WDR77: variants seen among roughly 807,000 people sequenced by gnomAD.
WDR77 encodes WD repeat domain 77.
WDR77 carries 31 observed loss-of-function variants against 44.0 expected under a neutral mutation model. That is an observed-to-expected ratio of 0.70 (90% CI 0.53 to 0.95). The LOEUF (loss-of-function observed/expected upper bound fraction) is 0.95, where lower values mean the gene tolerates loss of function less well. Ranked by LOEUF, WDR77 falls within the 40% of genes least tolerant of loss-of-function variation. WDR77 has a pLI of 0.00. For missense variants in WDR77, 390 were observed against 423.9 expected (o/e 0.92, Z 0.70); for synonymous variants, 186 against 165.7 (o/e 1.12, Z -0.94).
intron 6 of WDR77, chr1:111,443,666 C>T (rs1652906070): frequency 1.0e-6 from 1 of 985,258 alleles, no homozygotes; most frequent in South Asian, 4.7e-5. Flanking sequence ...AAATCACCCA[C>T]CCAGGAACTG....
chr1:111,444,003 T>A, intron 5 of WDR77, 51 bp downstream of exon 5: 2 of 1,613,626 alleles, frequency 1.2e-6, no homozygotes, highest in Non-Finnish European at 1.7e-6. Flanking sequence ...CTAGAGACTT[T>A]GGCCTATGGA....
rs1326000901 is a variant in WDR77 at position 111,441,101 on chromosome 1, T to C, written c.*129A>G. 1 of 1,034,944 alleles carries C rather than the reference T, an allele frequency of 9.7e-7. No individual in the cohort carries two copies. Among genetic ancestry groups the C allele is most frequent in the African/African-American group, 1.6e-5 (1 of 60,904 alleles). 64.1% of individuals were successfully genotyped at this position (1,034,944 alleles called of 1,614,324 possible). The stretch of plus-strand genomic sequence containing the variant: ...CAGCCTCCCTCAGGCTGAGAGACGA[T>C]GCCTATTAACGGCACAGATCTAGCA... On this transcript the variant is annotated 3_prime_UTR_variant, in exon 10 of 10. Transcript: ENST00000235090.
At position 111,441,991 on chromosome 1, in the gene WDR77, C is replaced by G. The variant is rs1263944560; in HGVS notation, c.869+34G>C. 3.1e-6 allele frequency: 5 copies of G among 1,602,326 alleles called. No individual in the cohort carries two copies. In the South Asian group the frequency reaches 5.5e-5, roughly 18 times the overall value. On this transcript the variant is annotated intron_variant, in intron 9 of 9. Coordinates refer to ENST00000235090, the MANE Select transcript of WDR77 (RefSeq NM_024102.4). Reference sequence around the variant, plus strand: ...GACTCGCCCACCCACTGCTCCCCTTCCCTGATTCCCAAAGGATTCCACTTC... The same window carrying G: ...GACTCGCCCACCCACTGCTCCCCTTGCCTGATTCCCAAAGGATTCCACTTC...
intron 6 of WDR77, 37 bp from the exon 7 acceptor site, chr1:111,443,431 G>A: frequency 1.3e-6 from 2 of 1,531,042 alleles, no homozygotes; most frequent in Non-Finnish European, 1.8e-6. Flanking sequence ...CCAAAACTCA[G>A]AGTACAGAAG....
chr1:111,445,942 T>G (rs1653008498), intron 4 of WDR77, among the ~76,000 whole-genome samples: 1 of 152,138 alleles, frequency 6.6e-6, no homozygotes, highest in Admixed American at 6.6e-5. Context: ...CTAATTTTTG[T>G]ACTTTTTGGT....
chr1:111,443,338 C>A lies in WDR77; in HGVS notation c.676G>T (p.Glu226Ter). 6.4e-7 allele frequency: 1 copy of A among 1,551,874 alleles called. No homozygotes were observed. The highest frequency in any genetic ancestry group is 2.4e-5 in the East Asian group (1 of 40,950). ...GCTGCCTTACCAAAGACAAAGACTT[C>A]ACTTTGCTGAGGATGCCAAGCCAGC... The part of the protein sequence containing the change: ...TSLAWHPQQS[E>*]VFVFGDENGT... The change falls in exon 7 of 10, where the codon GAA (glutamate) becomes TAA (stop). Residue 226 changes from glutamate (E) to a stop codon, truncating the protein, a stop_gained. Coordinates refer to ENST00000235090, the MANE Select transcript of WDR77 (RefSeq NM_024102.4). LOFTEE classifies it high-confidence loss of function.
At chr1:111,449,018 G>GGC in intron 1 of WDR77, 37 bp downstream of exon 1, 1 of 1,552,984 alleles carries the variant, frequency 6.4e-7, no homozygotes, top group Non-Finnish European at 8.7e-7. Flanking sequence ...CCCTGGGCCG[G>GGC]GGTAAGGGAG....
chr1:111,444,541 T>A (rs1465704635), intron 4 of WDR77, among the ~76,000 whole-genome samples: 1 of 152,154 alleles, frequency 6.6e-6, no homozygotes, highest in Non-Finnish European at 1.5e-5. Context: ...TCTCTAATGT[T>A]CTCTTTCTTA....
intron 9 of WDR77, chr1:111,441,731 CT>C: frequency 1.5e-6 from 1 of 665,442 alleles, no homozygotes; most frequent in Non-Finnish European, 2.2e-6. Context: ...ATACGCAGTT[CT>C]TTATGTGAGA....
In WDR77 at chr1:111,444,072, C is replaced by T. The variant is rs1652922688; in HGVS notation, c.546G>A (p.Val182=). Residue 182 remains valine (V), a synonymous_variant, in exon 5 of 10, where the codon GTG becomes GTA. Coordinates refer to ENST00000235090, the MANE Select transcript of WDR77 (RefSeq NM_024102.4). ...CTCTTACCTCGCTGCATGAAAGAAA[C>T]ACAGAGTCCTTGTGAGGAGAGGCAG... ...CVAASPHKDS[V]FLSCSEDNRI... is the part of the protein sequence containing the mutation. The T allele has an allele frequency of 6.2e-7, 1 of 1,613,996 alleles. No homozygotes were observed. Among genetic ancestry groups the T allele is most frequent in the South Asian group, 1.1e-5 (1 of 91,078 alleles).
chr1:111,447,334 AT>A lies in WDR77; in HGVS notation c.443+100del, dbSNP rs1389440984. On this transcript the variant is annotated intron_variant, in intron 3 of 9. Coordinates refer to ENST00000235090, the MANE Select transcript of WDR77 (RefSeq NM_024102.4). ...TAGACATGCTAAAATAAGTCACTGGATTCTTAGAATAAGCCCAAAATGTTAC... is the reference window on the plus strand; with the variant it reads ...TAGACATGCTAAAATAAGTCACTGGATCTTAGAATAAGCCCAAAATGTTAC... 3.4e-5 allele frequency: 52 copies of A among 1,550,006 alleles called. No individual in the cohort carries two copies. The East Asian group carries it at 1.2e-3, about 36-fold the overall frequency.
rs1387879380 is a variant in WDR77, at chr1:111,447,566, T to C, written c.312A>G (p.Glu104=). ...TCTCATTCTCATCTAGTTCCCACAA[T>C]TCAACAGCACCTGTTGGGGGTAGGG... ...ILVASDSGAV[E]LWELDENETL... Residue 104 remains glutamate, a synonymous_variant, in exon 3 of 10, where the codon GAA becomes GAG. Coordinates refer to ENST00000235090, the MANE Select transcript of WDR77 (RefSeq NM_024102.4). 2.5e-6 allele frequency: 4 copies of C among 1,614,120 alleles called. No homozygotes were observed. The highest frequency in any genetic ancestry group is 3.4e-6 in the Non-Finnish European group (4 of 1,180,036).
intron 9 of WDR77, 99 bp downstream of exon 9, chr1:111,441,926 G>T: frequency 8.5e-7 from 1 of 1,176,236 alleles, no homozygotes; most frequent in African/African-American, 1.5e-5. Context: ...TGGAGAATCT[G>T]TTCTCCAAAA....
In WDR77 at chr1:111,448,713, G is replaced by T. The variant is rs752187523; in HGVS notation, c.207C>A (p.Asn69Lys). Residue 69 changes from asparagine to lysine, a missense_variant, in exon 2 of 10, where the codon AAC becomes AAA. Coordinates refer to ENST00000235090, the MANE Select transcript of WDR77 (RefSeq NM_024102.4). ...GGACTCCGGCGGAGCAGAAGCCTTC[G>T]TTGGGGGCGGCACAGGGGTCCTTAA... ...WLFKDPCAAP[N>K]EGFCSAGVQT... is the part of the protein sequence containing the mutation. 6.2e-7 allele frequency: 1 copy of T among 1,614,186 alleles called. No individual in the cohort carries two copies. The highest frequency in any genetic ancestry group is 1.1e-5 in the South Asian group (1 of 91,078).
At chr1:111,443,576 G>A in intron 6 of WDR77, 182 bp from the exon 7 acceptor site, 3 of 903,794 alleles carry the variant, frequency 3.3e-6, no homozygotes, top group Non-Finnish European at 4.0e-6. Context: ...GCCCTTTCTG[G>A]ACACGAGTCA....
rs1652839024 is a variant in WDR77, at chr1:111,442,104, G to A, written c.801-11C>T. The stretch of plus-strand genomic sequence containing the variant: ...GCCAGGAAGGGAACACTATCAGATG[G>A]AGGAGAGGGTTGTGAAAGGTCCAGC... On this transcript the variant is annotated splice_polypyrimidine_tract_variant and intron_variant, in intron 8 of 9. Transcript: ENST00000235090. 1 of 1,613,600 alleles carries A rather than the reference G, an allele frequency of 6.2e-7. No individual in the cohort carries two copies.
At chr1:111,443,054 T>C (rs12564099) in intron 7 of WDR77, among the ~76,000 whole-genome samples, 1 of 152,246 alleles carries the variant, frequency 6.6e-6, no homozygotes, top group African/African-American at 2.4e-5. Context: ...ACTTGCTTTG[T>C]GGATCACTGA....
intron 7 of WDR77, 32 bp downstream of exon 7, chr1:111,443,291 G>C: frequency 1.3e-6 from 2 of 1,546,972 alleles, no homozygotes; most frequent in Non-Finnish European, 1.7e-6. Context: ...CCCTTTCCCA[G>C]AGTCAATATG....
At chr1:111,447,384 A>G in intron 3 of WDR77, 51 bp downstream of exon 3, 1 of 1,610,480 alleles carries the variant, frequency 6.2e-7, no homozygotes, top group Non-Finnish European at 8.5e-7. Context: ...CAGGATAGGA[A>G]AGGCACCCAC....
Sources: allele counts gnomAD v4.1 joint callset (sites outside exome capture counted in the v4.1 genomes callset), GRCh38; gene constraint gnomAD v4.1.1; transcripts MANE v1.5; gene names NCBI Gene and HGNC (gene_info 2026-07-23, HGNC 2026-07-21).